The following PTPRD variants were observed in gnomAD, a reference collection of about 807,000 sequenced individuals.
PTPRD encodes the protein protein tyrosine phosphatase receptor type D, also known as receptor-type tyrosine-protein phosphatase delta.
Under a neutral mutation model 214.5 loss-of-function variants are expected in PTPRD, and 34 were observed. The ratio of observed to expected loss-of-function variants is 0.16; its 90% confidence interval spans 0.12 to 0.21. The LOEUF (loss-of-function observed/expected upper bound fraction) is 0.21. Among genes scored for constraint, PTPRD ranks in the 10% least tolerant of loss-of-function variants. PTPRD has a pLI of 1.00. For missense variants in PTPRD, 2,545 were observed against 2,398.7 expected (o/e 1.06, Z -1.27); for synonymous variants, 1,128 against 845.7 (o/e 1.33, Z -5.79).
At chr9:9,310,416 C>T (rs1487498747) in intron 9 of PTPRD, among the ~76,000 whole-genome samples, 3 of 152,096 alleles carry the variant, frequency 2.0e-5, no homozygotes, top group Non-Finnish European at 2.9e-5. Context: ...GCTCCTTACC[C>T]ATTCTCTCTT....
chr9:10,454,729 C>A (rs540357042), intron 2 of PTPRD, among the ~76,000 whole-genome samples: 1 of 151,672 alleles, frequency 6.6e-6, no homozygotes, highest in Admixed American at 6.6e-5. Flanking sequence ...TTTCCTCTTG[C>A]CTTTGGACCC....
At chr9:10,165,974 C>A (rs963480831) in intron 3 of PTPRD, among the ~76,000 whole-genome samples, 17 of 149,666 alleles carry the variant, frequency 1.1e-4, no homozygotes, top group African/African-American at 4.1e-4. Context: ...ATTATGTAAA[C>A]ATATAAAGCT....
intron 7 of PTPRD, among the ~76,000 whole-genome samples, chr9:9,626,548 A>AGAGG: frequency 2.0e-5 from 3 of 152,304 alleles, no homozygotes; most frequent in African/African-American, 7.2e-5. Context: ...TGGAAAAAGA[A>AGAGG]GAGGAAGGAA....
intron 9 of PTPRD, among the ~76,000 whole-genome samples, chr9:9,185,998 G>GA (rs1399362440): frequency 6.6e-5 from 10 of 151,578 alleles, no homozygotes; most frequent in Non-Finnish European, 1.0e-4. Flanking sequence ...GTGAGAAATA[G>GA]AAAAAAATGT....
At chr9:10,167,389 TC>T (rs1333033588) in intron 3 of PTPRD, among the ~76,000 whole-genome samples, 1 of 152,100 alleles carries the variant, frequency 6.6e-6, no homozygotes, top group East Asian at 1.9e-4. Context: ...AAGTGCACAT[TC>T]CCTTTCACTT....
intron 3 of PTPRD, among the ~76,000 whole-genome samples, chr9:10,101,772 T>A (rs1358798241): frequency 6.6e-6 from 1 of 151,574 alleles, no homozygotes; most frequent in African/African-American, 2.4e-5. Flanking sequence ...TCAGTAAGAG[T>A]GATATAAAAT....
At chr9:10,464,765 A>G (rs1443885008) in intron 2 of PTPRD, among the ~76,000 whole-genome samples, 1 of 152,176 alleles carries the variant, frequency 6.6e-6, no homozygotes, top group Non-Finnish European at 1.5e-5. Flanking sequence ...ATAAAAGGAT[A>G]TTTCAATGTA....
At chr9:9,435,453 G>A (rs1011346070) in intron 8 of PTPRD, among the ~76,000 whole-genome samples, 1 of 151,536 alleles carries the variant, frequency 6.6e-6, no homozygotes, top group South Asian at 2.1e-4. Context: ...GGAAGCTGCA[G>A]TAAGCTGAGC....
chr9:8,337,176 T>C (rs1323910431), intron 43 of PTPRD, among the ~76,000 whole-genome samples: 1 of 152,192 alleles, frequency 6.6e-6, no homozygotes, highest in African/African-American at 2.4e-5. Flanking sequence ...CTATTCACAA[T>C]AGCAAAGACT....
intron 10 of PTPRD, among the ~76,000 whole-genome samples, chr9:9,047,856 C>A (rs971176929): frequency 5.9e-5 from 9 of 151,982 alleles, no homozygotes; most frequent in African/African-American, 2.2e-4. Flanking sequence ...ACAAACCAAG[C>A]AAACAAAGCA....
chr9:8,680,784 C>T (rs1196653915), intron 12 of PTPRD, among the ~76,000 whole-genome samples: 2 of 152,128 alleles, frequency 1.3e-5, no homozygotes, highest in African/African-American at 2.4e-5. Context: ...TTGGCAAATA[C>T]ATTGTTTGAC....
intron 9 of PTPRD, among the ~76,000 whole-genome samples, chr9:9,275,361 T>C (rs1945194520): frequency 6.7e-6 from 1 of 148,852 alleles, no homozygotes; most frequent in South Asian, 2.1e-4. Flanking sequence ...TTGTAAAATG[T>C]CCTTTGTGTA....
At chr9:9,703,209 C>A (rs1441940633) in intron 7 of PTPRD, among the ~76,000 whole-genome samples, 1 of 152,110 alleles carries the variant, frequency 6.6e-6, no homozygotes, top group Non-Finnish European at 1.5e-5. Context: ...CCGTCTTGTG[C>A]CTGCTTCCCT....
chr9:9,646,885 T>A (rs137995758), intron 7 of PTPRD, among the ~76,000 whole-genome samples: 141 of 152,284 alleles, frequency 9.3e-4, no homozygotes, highest in African/African-American at 3.3e-3. Context: ...TTTCTCTCTC[T>A]CAGAACACCT....
At chr9:10,557,270 G>A (rs1368757459) in intron 2 of PTPRD, among the ~76,000 whole-genome samples, 2 of 151,944 alleles carry the variant, frequency 1.3e-5, no homozygotes, top group African/African-American at 4.8e-5. Flanking sequence ...CATTTAAAAG[G>A]ATGCCCCATC....
chr9:8,323,362 C>T (rs1256860414), intron 44 of PTPRD, among the ~76,000 whole-genome samples: 1 of 152,162 alleles, frequency 6.6e-6, no homozygotes, highest in Non-Finnish European at 1.5e-5. Context: ...TTAAGAACTA[C>T]ATTTTATAAG....
intron 12 of PTPRD, among the ~76,000 whole-genome samples, chr9:8,639,896 T>C (rs180736226): frequency 5.9e-5 from 9 of 152,168 alleles, no homozygotes; most frequent in Non-Finnish European, 1.0e-4. Flanking sequence ...CAGGTATGTG[T>C]CTCATTTATC....
intron 3 of PTPRD, among the ~76,000 whole-genome samples, chr9:10,086,131 G>A (rs928149365): frequency 2.0e-5 from 3 of 151,704 alleles, no homozygotes; most frequent in Non-Finnish European, 4.4e-5. Flanking sequence ...CATATTGGGG[G>A]CACGTAATGA....
chr9:9,007,135 A>T (rs10977439), intron 11 of PTPRD, among the ~76,000 whole-genome samples: 3,649 of 152,156 alleles, frequency 0.024, 70 homozygotes, highest in Non-Finnish European at 0.039. Context: ...AATCAAAATG[A>T]AAAGCTACAT....
Sources: allele counts gnomAD v4.1 joint callset (sites outside exome capture counted in the v4.1 genomes callset), GRCh38; gene constraint gnomAD v4.1.1; transcripts MANE v1.5; gene names NCBI Gene and HGNC (gene_info 2026-07-23, HGNC 2026-07-21).